The following SND1 variants were observed in gnomAD, a reference collection of about 807,000 sequenced individuals.
The protein encoded by SND1 is staphylococcal nuclease and tudor domain containing 1.
Under a neutral mutation model 121.7 loss-of-function variants are expected in SND1, and 38 were observed. That is an observed-to-expected ratio of 0.31 (90% CI 0.24 to 0.41). The LOEUF (loss-of-function observed/expected upper bound fraction) is 0.41. SND1 is among the 10% of genes least tolerant of loss of function. SND1 has a pLI of 1.00. For missense variants in SND1, 868 were observed against 1,184.6 expected, an observed-to-expected ratio of 0.73 and a Z score of 3.92; for synonymous variants, 401 against 447.4, an observed-to-expected ratio of 0.90 and a Z score of 1.31.
chr7:127,815,556 G>C (rs1295371973), intron 11 of SND1, among the ~76,000 whole-genome samples: 2 of 152,026 alleles, frequency 1.3e-5, no homozygotes, highest in Admixed American at 6.6e-5. Flanking sequence ...AGGAGTATTG[G>C]GCACAGAGAG....
intron 15 of SND1, among the ~76,000 whole-genome samples, chr7:127,977,296 C>T (rs1802143607): frequency 6.6e-6 from 1 of 152,126 alleles, no homozygotes. Context: ...AATCAAAATT[C>T]ACGTCTCATG....
chr7:128,029,167 T>C lies in SND1; in HGVS notation c.1779+38111T>C. 1 of 1,613,922 alleles carries C rather than the reference T, an allele frequency of 6.2e-7. No homozygotes were observed. Reference sequence around the variant, plus strand: ...ACACGGGTAGTCTGAATGAGCACCGTGGTAGAGGTGGTATATGCCGGCTGG... The same window carrying C: ...ACACGGGTAGTCTGAATGAGCACCGCGGTAGAGGTGGTATATGCCGGCTGG... On this transcript the variant is annotated intron_variant, in intron 16 of 23. Transcript: ENST00000354725. This position sits in a 1 kb window ranked among gnomAD's most constrained non-coding sequence, Gnocchi z 4.2.
chr7:127,906,185 C>T (rs550197890), intron 14 of SND1, among the ~76,000 whole-genome samples: 44 of 152,282 alleles, frequency 2.9e-4, no homozygotes, highest in Non-Finnish European at 5.3e-4. Flanking sequence ...GTTGGGGCCT[C>T]TGTTAAGTGG....
At chr7:127,679,422 T>C (rs1795670921) in intron 1 of SND1, among the ~76,000 whole-genome samples, 1 of 152,238 alleles carries the variant, frequency 6.6e-6, no homozygotes, top group South Asian at 2.1e-4. Context: ...TGTACTTCTG[T>C]GTTGGACCTT....
At chr7:127,881,385 A>G (rs1255013558) in intron 12 of SND1, among the ~76,000 whole-genome samples, 1 of 152,002 alleles carries the variant, frequency 6.6e-6, no homozygotes, top group Non-Finnish European at 1.5e-5. Context: ...ATTTTTAGGG[A>G]ACCTCCAGAG....
chr7:127,839,646 T>C (rs993214145), intron 11 of SND1, among the ~76,000 whole-genome samples: 10 of 152,180 alleles, frequency 6.6e-5, no homozygotes, highest in Admixed American at 2.0e-4. Context: ...AATTAATATA[T>C]AAATTTAGTT....
At chr7:128,001,332 G>C (rs751174644) in intron 16 of SND1, among the ~76,000 whole-genome samples, 3 of 152,194 alleles carry the variant, frequency 2.0e-5, no homozygotes, top group African/African-American at 4.8e-5. Context: ...AACTCTGTTA[G>C]CATGTGAAAA....
Position 127,652,458 on chromosome 7 carries a change from A to T in SND1, c.78+7A>T, listed in dbSNP as rs367960615. 9.6e-6 allele frequency: 15 copies of T among 1,568,246 alleles called. No individual in the cohort carries two copies. The African/African-American group carries it at 1.8e-4, about 18-fold the overall frequency. ...GCGGGGCATCATCAAGATGGTGAGA[A>T]CGGGCCCCGGACACCGACCCCTCTG... is the stretch of plus-strand genomic sequence containing the variant. On this transcript the variant is annotated splice_region_variant and intron_variant, in intron 1 of 23. Transcript: ENST00000354725.
chr7:127,803,936 A>C (rs1360380092), intron 10 of SND1, among the ~76,000 whole-genome samples: 2 of 152,232 alleles, frequency 1.3e-5, no homozygotes, highest in African/African-American at 4.8e-5. Context: ...TCTCAGGATG[A>C]ACAGTGATTA....
chr7:128,090,684 C>G (rs1793764115), intron 22 of SND1, among the ~76,000 whole-genome samples: 1 of 152,206 alleles, frequency 6.6e-6, no homozygotes. Context: ...CTTCTCCCAG[C>G]CCTCCTGGCC....
chr7:127,828,064 T>C (rs1798675038), intron 11 of SND1, among the ~76,000 whole-genome samples: 1 of 152,218 alleles, frequency 6.6e-6, no homozygotes, highest in African/African-American at 2.4e-5. Flanking sequence ...CGGCATGTTC[T>C]CGGCTCACTG....
chr7:127,707,736 C>G, intron 9 of SND1, 89 bp downstream of exon 9: 1 of 1,168,682 alleles, frequency 8.6e-7, no homozygotes, highest in Non-Finnish European at 1.3e-6. Flanking sequence ...AATGCTGAAG[C>G]TCTTGAAAAT....
rs187552298 is a variant in SND1, at chr7:127,680,871, T to C, written c.79-5742T>C. Among the ~76,000 whole-genome samples the C allele has an allele frequency of 9.2e-4, 140 of 151,882 alleles. 1 individual carries two copies. The highest frequency in any genetic ancestry group is 3.4e-3 in the Middle Eastern group (1 of 294). On this transcript the variant is annotated intron_variant, in intron 1 of 23. Coordinates refer to ENST00000354725, the MANE Select transcript of SND1 (RefSeq NM_014390.4). ...AAGTGTTCATGGAATCTTCACAATTTATGTTTAGAGATTGCAGTAAAGACA... is the reference window on the plus strand; with the variant it reads ...AAGTGTTCATGGAATCTTCACAATTCATGTTTAGAGATTGCAGTAAAGACA...
chr7:128,021,097 T>TA (rs1315769094), intron 16 of SND1, among the ~76,000 whole-genome samples: 1 of 152,144 alleles, frequency 6.6e-6, no homozygotes, highest in Non-Finnish European at 1.5e-5. Context: ...TGCCTAATCT[T>TA]AAAGAGATGA....
At chr7:127,830,393 A>G (rs1798716496) in intron 11 of SND1, among the ~76,000 whole-genome samples, 1 of 152,128 alleles carries the variant, frequency 6.6e-6, no homozygotes, top group Non-Finnish European at 1.5e-5. Flanking sequence ...ATTTTAGCCA[A>G]TTGGTTAAGT....
intron 14 of SND1, among the ~76,000 whole-genome samples, chr7:127,915,792 A>T (rs191861717): frequency 1.2e-4 from 19 of 152,334 alleles, no homozygotes; most frequent in Admixed American, 2.0e-4. Context: ...CAAAGGATAA[A>T]ATGTTGTATA....
At chr7:127,781,506 A>G (rs1797721224) in intron 10 of SND1, among the ~76,000 whole-genome samples, 1 of 152,180 alleles carries the variant, frequency 6.6e-6, no homozygotes, top group African/African-American at 2.4e-5. Context: ...CAGTTATGCC[A>G]AGTTGCTGGG....
intron 1 of SND1, among the ~76,000 whole-genome samples, chr7:127,685,490 A>G (rs564827779): frequency 6.6e-6 from 1 of 152,290 alleles, no homozygotes; most frequent in African/African-American, 2.4e-5. Context: ...TGTTTGTTGT[A>G]TTGTGAGTCT....
rs757469492 is a variant in SND1, at chr7:127,695,868, A to T, written c.349+920A>T. The stretch of plus-strand genomic sequence containing the variant: ...ATATGTAAAGCACCTCACTCTGGAT[A>T]TTTGTGTGTGTGCATATTGTATAGC... On this transcript the variant is annotated intron_variant, in intron 3 of 23. Transcript: ENST00000354725. Among the ~76,000 whole-genome samples the T allele has an allele frequency of 3.0e-4, 46 of 152,196 alleles. No individual in the cohort carries two copies. The Middle Eastern group carries it at 0.01, about 34-fold the overall frequency.
Sources: gnomAD v4.1 joint callset for allele counts (sites outside exome capture counted in the v4.1 genomes callset) on GRCh38, gnomAD v4.1.1 for gene constraint, Gnocchi (gnomAD v3.1) non-coding constraint, MANE v1.5 for transcripts, NCBI Gene and HGNC (gene_info 2026-07-23, HGNC 2026-07-21) for gene names.